Variants in TLL1 observed in about 807,000 individuals in gnomAD.
The protein encoded by TLL1 is tolloid like 1.
TLL1 carries 49 observed loss-of-function variants against 128.2 expected under a neutral mutation model. The ratio of observed to expected loss-of-function variants is 0.38; its 90% CI spans 0.30 to 0.48. The LOEUF (loss-of-function observed/expected upper bound fraction) is 0.48, where lower values mean the gene tolerates loss of function less well. Ranked by LOEUF, TLL1 falls within the 20% of genes least tolerant of loss-of-function variation. The probability of loss-of-function intolerance (pLI) is 0.96; values close to 1 mark genes in which losing one functional copy is unlikely to be tolerated. For missense variants in TLL1, 1,123 were observed against 1,242.0 expected (o/e 0.90, Z 1.44); for synonymous variants, 454 against 418.8 (o/e 1.08, Z -1.03).
At chr4:165,918,629 A>G (rs988315372) in intron 1 of TLL1, among the ~76,000 whole-genome samples, 10 of 152,076 alleles carry the variant, frequency 6.6e-5, no homozygotes, top group Non-Finnish European at 1.5e-4. Flanking sequence ...TGGTAAAGTC[A>G]TAGAGCTATT....
At chr4:166,094,044 C>T (rs2111161563) in intron 19 of TLL1, among the ~76,000 whole-genome samples, 1 of 152,266 alleles carries the variant, frequency 6.6e-6, no homozygotes, top group South Asian at 2.1e-4. Flanking sequence ...TCCCTTTCTA[C>T]ATAGACACAG....
chr4:165,986,196 AT>A (rs1736387356), intron 1 of TLL1, among the ~76,000 whole-genome samples: 1 of 152,012 alleles, frequency 6.6e-6, no homozygotes, highest in Non-Finnish European at 1.5e-5. Context: ...TTTCATATGT[AT>A]TTTTGCACCT....
intron 14 of TLL1, among the ~76,000 whole-genome samples, chr4:166,059,702 A>G (rs920329954): frequency 1.3e-5 from 2 of 152,132 alleles, no homozygotes; most frequent in Admixed American, 1.3e-4. Flanking sequence ...ACAAGATATT[A>G]TTAGACCAAC....
chr4:166,098,241 A>G (rs1742115576), intron 19 of TLL1, among the ~76,000 whole-genome samples: 1 of 149,272 alleles, frequency 6.7e-6, no homozygotes, highest in African/African-American at 2.5e-5. Context: ...AGGGTGAGGC[A>G]GGAGAATTGC....
rs1003205744 is a variant in TLL1, at chr4:166,007,828, C to T, written c.812-115C>T. ...TGCCTGTGTGTTTTGTATGTAAATT[C>T]GATCAGCAAGATCAGTCATTTCACA... On this transcript the variant is annotated intron_variant, in intron 6 of 20. Transcript: ENST00000061240. 36 of 732,108 alleles carry T rather than the reference C, an allele frequency of 4.9e-5. 1 individual carries two copies. The highest frequency in any genetic ancestry group is 1.4e-4 in the South Asian group (10 of 70,786). The allele number at this position is 732,108 out of a possible 1,614,324, so 45.4% of individuals were successfully genotyped here. A position where few individuals can be genotyped will look rare whatever the true frequency, so the allele number is the denominator to read the frequency against.
chr4:165,982,736 T>TA (rs5863791), intron 1 of TLL1, among the ~76,000 whole-genome samples: 94,391 of 137,598 alleles, frequency 0.69, 32,139 homozygotes, highest in Admixed American at 0.75. Context: ...GCAATGTATG[T>TA]AAAAAAAAAA....
At chr4:165,979,808 A>C (rs72697359) in intron 1 of TLL1, among the ~76,000 whole-genome samples, 3,340 of 152,204 alleles carry the variant, frequency 0.022, 40 homozygotes, top group Middle Eastern at 0.041. Context: ...TGAACAAATA[A>C]ATAAACAAAG....
chr4:165,927,112 C>T (rs1042880822), intron 1 of TLL1, among the ~76,000 whole-genome samples: 3 of 152,096 alleles, frequency 2.0e-5, no homozygotes, highest in African/African-American at 7.2e-5. Context: ...GAGAGGAAAT[C>T]CCAAATTCCT....
intron 1 of TLL1, among the ~76,000 whole-genome samples, chr4:165,942,024 T>C (rs554374777): frequency 4.6e-5 from 7 of 152,244 alleles, no homozygotes; most frequent in African/African-American, 1.7e-4. Context: ...AAACTCTAGA[T>C]ATTATTGACC....
chr4:165,976,135 A>G (rs972493877), intron 1 of TLL1, among the ~76,000 whole-genome samples: 1 of 151,958 alleles, frequency 6.6e-6, no homozygotes, highest in Non-Finnish European at 1.5e-5. Flanking sequence ...TAGCTAAAAC[A>G]CACATACACA....
chr4:165,916,065 G>A (rs1284716611), intron 1 of TLL1, among the ~76,000 whole-genome samples: 1 of 152,122 alleles, frequency 6.6e-6, no homozygotes, highest in African/African-American at 2.4e-5. Flanking sequence ...AAGGCAGAGT[G>A]GTTTAATTAC....
At chr4:166,045,049 C>T (rs1005828110) in intron 12 of TLL1, among the ~76,000 whole-genome samples, 8 of 152,150 alleles carry the variant, frequency 5.3e-5, no homozygotes, top group African/African-American at 1.9e-4. Flanking sequence ...GCCTGACACA[C>T]AGTAGTTGCT....
chr4:165,899,661 A>C (rs1016518479), intron 1 of TLL1, among the ~76,000 whole-genome samples: 1 of 152,180 alleles, frequency 6.6e-6, no homozygotes, highest in African/African-American at 2.4e-5. Context: ...CAATTTTAGA[A>C]TAAGTGTGAT....
chr4:165,910,716 TA>T (rs1321350869), intron 1 of TLL1, among the ~76,000 whole-genome samples: 3 of 152,336 alleles, frequency 2.0e-5, no homozygotes, highest in African/African-American at 7.2e-5. Flanking sequence ...AGTAATTTAA[TA>T]AAACAATGCA....
chr4:165,909,893 T>C (rs1732447125), intron 1 of TLL1, among the ~76,000 whole-genome samples: 1 of 152,148 alleles, frequency 6.6e-6, no homozygotes, highest in Non-Finnish European at 1.5e-5. Context: ...GTTTTGCAAG[T>C]AATAGTAGCA....
intron 1 of TLL1, among the ~76,000 whole-genome samples, chr4:165,976,421 G>C (rs1186839718): frequency 6.6e-6 from 1 of 152,086 alleles, no homozygotes; most frequent in African/African-American, 2.4e-5. Context: ...TCCCTTTATG[G>C]GAAGATGTAA....
chr4:166,072,527 C>T (rs1455802123), intron 16 of TLL1, among the ~76,000 whole-genome samples: 1 of 151,456 alleles, frequency 6.6e-6, no homozygotes, highest in Non-Finnish European at 1.5e-5. Flanking sequence ...CATTGAAATA[C>T]AATTGGTTTC....
intron 15 of TLL1, among the ~76,000 whole-genome samples, chr4:166,063,599 C>T (rs560507087): frequency 1.3e-5 from 2 of 152,098 alleles, no homozygotes; most frequent in African/African-American, 2.4e-5. Flanking sequence ...CCCAAATGTC[C>T]ATCAATGATA....
At chr4:166,045,037 A>G (rs1739402124) in intron 12 of TLL1, among the ~76,000 whole-genome samples, 1 of 152,192 alleles carries the variant, frequency 6.6e-6, no homozygotes, top group Non-Finnish European at 1.5e-5. Context: ...ACTTAGAACC[A>G]TGCCTGACAC....
Sources: allele counts gnomAD v4.1 joint callset (sites outside exome capture counted in the v4.1 genomes callset), GRCh38; gene constraint gnomAD v4.1.1; transcripts MANE v1.5; gene names NCBI Gene and HGNC (gene_info 2026-07-23, HGNC 2026-07-21).